The following ANXA8 variants were observed in gnomAD, a reference collection of about 807,000 sequenced individuals.
ANXA8 encodes the protein VAC-beta.
Under a neutral mutation model 26.8 loss-of-function variants are expected in ANXA8, and 9 were observed. That is an observed-to-expected ratio of 0.34 (90% CI 0.20 to 0.59). The LOEUF (loss-of-function observed/expected upper bound fraction) is 0.59. Ranked by LOEUF, ANXA8 falls within the 20% of genes least tolerant of loss-of-function variation. The pLI is 0.84. For synonymous variants in ANXA8, 39 were observed against 94.8 expected, an observed-to-expected ratio of 0.41 and a Z score of 3.42; for missense variants, 83 against 238.5, an observed-to-expected ratio of 0.35 and a Z score of 4.29.
At chr10:47,957,456 C>T in the ANXA8 span, among the ~76,000 whole-genome samples, 54 of 150,558 alleles carry the variant, frequency 3.6e-4, 3 homozygotes, top group African/African-American at 1.3e-3. Context: ...AGCCTCTGGT[C>T]CCGGCCTCAG....
the ANXA8 span, chr10:47,696,500 G>A: frequency 1.7e-5 from 23 of 1,318,356 alleles, 1 homozygote; most frequent in Non-Finnish European, 2.2e-5. Context: ...CATCTATTCA[G>A]CCTGAAGAAT....
At chr10:47,951,093 C>T in the ANXA8 span, among the ~76,000 whole-genome samples, 2 of 149,850 alleles carry the variant, frequency 1.3e-5, no homozygotes, top group East Asian at 4.2e-4. Flanking sequence ...ACCAACATCA[C>T]TAATAAAAGA....
chr10:47,506,615 C>A, the ANXA8 span, among the ~76,000 whole-genome samples: 2 of 139,942 alleles, frequency 1.4e-5, no homozygotes, highest in Non-Finnish European at 3.1e-5. Context: ...CAGGTGTGAA[C>A]CACTGCGCCC....
the ANXA8 span, among the ~76,000 whole-genome samples, chr10:47,508,066 T>C: frequency 7.5e-6 from 1 of 133,882 alleles, no homozygotes; most frequent in African/African-American, 2.7e-5. Context: ...AGATAATTTT[T>C]TTTTTGGGGG....
the ANXA8 span, among the ~76,000 whole-genome samples, chr10:47,949,687 A>G: frequency 6.7e-6 from 1 of 150,198 alleles, no homozygotes; most frequent in Non-Finnish European, 1.5e-5. Flanking sequence ...GTGTTATAAT[A>G]GTATATTTGT....
At chr10:47,976,544 TACACACACAC>T in the ANXA8 span, among the ~76,000 whole-genome samples, 8 of 132,308 alleles carry the variant, frequency 6.0e-5, no homozygotes, top group Admixed American at 2.5e-4. Context: ...CCTCTGTCTT[TACACACACAC>T]ACACACACAC....
At chr10:47,675,882 G>A in the ANXA8 span, among the ~76,000 whole-genome samples, 4 of 151,832 alleles carry the variant, frequency 2.6e-5, no homozygotes, top group East Asian at 7.7e-4. Flanking sequence ...TGCTTGAAAA[G>A]ATGGGGATTT....
the ANXA8 span, among the ~76,000 whole-genome samples, chr10:47,743,044 G>A: frequency 7.0e-6 from 1 of 142,526 alleles, no homozygotes; most frequent in Non-Finnish European, 1.5e-5. Context: ...GGTGGCGGGC[G>A]CCTGTAGTCC....
chr10:47,950,487 C>T, the ANXA8 span, among the ~76,000 whole-genome samples: 96 of 151,268 alleles, frequency 6.3e-4, no homozygotes, highest in African/African-American at 1.6e-3. Context: ...TAATCAACAG[C>T]GCAATAAATC....
the ANXA8 span, among the ~76,000 whole-genome samples, chr10:47,738,525 C>G: frequency 6.6e-6 from 1 of 151,070 alleles, no homozygotes; most frequent in Non-Finnish European, 1.5e-5. Context: ...CTTTAATGTT[C>G]CTTAGCTTTA....
chr10:47,668,829 T>C, the ANXA8 span, among the ~76,000 whole-genome samples: 2 of 151,598 alleles, frequency 1.3e-5, no homozygotes, highest in Admixed American at 6.6e-5. Context: ...TAGTACCTCA[T>C]TGGTACTTGT....
the ANXA8 span, among the ~76,000 whole-genome samples, chr10:47,924,592 A>G: frequency 6.6e-6 from 1 of 151,698 alleles, no homozygotes. Flanking sequence ...GAGCCTCATC[A>G]TAAGCCAGCA....
chr10:47,702,633 G>A, the ANXA8 span, among the ~76,000 whole-genome samples: 1 of 151,610 alleles, frequency 6.6e-6, no homozygotes, highest in Admixed American at 6.6e-5. Flanking sequence ...GAGCCACCGT[G>A]CCCGGCCTCT....
chr10:47,959,998 A>G, the ANXA8 span, among the ~76,000 whole-genome samples: 1 of 149,470 alleles, frequency 6.7e-6, no homozygotes, highest in Admixed American at 6.6e-5. Context: ...TATGTGAGGA[A>G]GCCACTTGGG....
chr10:47,650,420 T>C, the ANXA8 span, among the ~76,000 whole-genome samples: 1 of 151,544 alleles, frequency 6.6e-6, no homozygotes, highest in African/African-American at 2.4e-5. Context: ...TGGGATTAAA[T>C]ATTTGCAAAT....
the ANXA8 span, among the ~76,000 whole-genome samples, chr10:47,563,850 T>C: frequency 2.0e-5 from 3 of 151,994 alleles, no homozygotes; most frequent in Admixed American, 6.6e-5. Flanking sequence ...AATTAAGATA[T>C]AGCCTTTTTT....
At chr10:47,599,245 G>C in the ANXA8 span, among the ~76,000 whole-genome samples, 1 of 138,200 alleles carries the variant, frequency 7.2e-6, no homozygotes, top group Non-Finnish European at 1.5e-5. Context: ...CCTTTTTATA[G>C]GTCCTAGGAA....
the ANXA8 span, among the ~76,000 whole-genome samples, chr10:47,686,642 G>A: frequency 1.3e-3 from 195 of 152,044 alleles, no homozygotes; most frequent in Non-Finnish European, 2.1e-3. Context: ...TGTTTGTTAC[G>A]TGAGTGATTG....
At chr10:47,582,527 C>G in the ANXA8 span, among the ~76,000 whole-genome samples, 1 of 140,780 alleles carries the variant, frequency 7.1e-6, no homozygotes, top group African/African-American at 3.0e-5. Context: ...TTGGAGGGAC[C>G]CACCAAAATG....
Sources: gnomAD v4.1 joint callset for allele counts (sites outside exome capture counted in the v4.1 genomes callset) on GRCh38, gnomAD v4.1.1 for gene constraint, MANE v1.5 for transcripts, NCBI Gene and HGNC (gene_info 2026-07-23, HGNC 2026-07-21) for gene names.